SEMA3A: variants seen among roughly 807,000 people sequenced by gnomAD.
SEMA3A encodes semaphorin-3A.
A neutral mutation model predicts 97.9 loss-of-function variants in SEMA3A; 29 were observed. The observed-to-expected ratio is 0.30, with a 90% CI of 0.22 to 0.40. SEMA3A has a LOEUF of 0.40. Among genes scored for constraint, SEMA3A ranks in the 10% least tolerant of loss-of-function variants. SEMA3A has a pLI of 1.00. For synonymous variants in SEMA3A, 321 were observed against 323.7 expected (o/e 0.99, Z 0.09); for missense variants, 763 against 951.3 (o/e 0.80, Z 2.60).
intron 3 of SEMA3A, among the ~76,000 whole-genome samples, chr7:84,256,799 T>C (rs1458638295): frequency 1.3e-5 from 2 of 152,056 alleles, no homozygotes; most frequent in Admixed American, 1.3e-4. Context: ...CAAAGTATTC[T>C]AAACCCTATA....
chr7:84,274,381 T>A (rs1800238967), intron 3 of SEMA3A, among the ~76,000 whole-genome samples: 1 of 151,930 alleles, frequency 6.6e-6, no homozygotes, highest in Non-Finnish European at 1.5e-5. Context: ...CTTCCCACAA[T>A]TAAGGGAGTA....
At chr7:84,451,644 G>A (rs931793873) in intron 1 of SEMA3A, among the ~76,000 whole-genome samples, 2 of 152,126 alleles carry the variant, frequency 1.3e-5, no homozygotes, top group African/African-American at 4.8e-5. Flanking sequence ...TTGAAATCCA[G>A]AACTACTTTA....
At chr7:84,319,133 A>G (rs902567584) in intron 2 of SEMA3A, among the ~76,000 whole-genome samples, 1 of 152,188 alleles carries the variant, frequency 6.6e-6, no homozygotes, top group Non-Finnish European at 1.5e-5. Flanking sequence ...CAGGTAAGAA[A>G]ATGGAGGGAG....
At chr7:83,988,328 G>A (rs1051409075) in intron 12 of SEMA3A, among the ~76,000 whole-genome samples, 2 of 151,726 alleles carry the variant, frequency 1.3e-5, no homozygotes, top group Non-Finnish European at 2.9e-5. Context: ...TCGGGTTCAT[G>A]CCATTCTCCT....
intron 4 of SEMA3A, among the ~76,000 whole-genome samples, chr7:84,075,555 T>G (rs11981048): frequency 0.13 from 18,912 of 150,766 alleles, 1,244 homozygotes; most frequent in South Asian, 0.14. Flanking sequence ...GCCTCCTAGA[T>G]TCAAGTGATT....
chr7:84,375,772 T>C (rs1293846383), intron 1 of SEMA3A, among the ~76,000 whole-genome samples: 3 of 152,192 alleles, frequency 2.0e-5, no homozygotes, highest in South Asian at 2.1e-4. Flanking sequence ...TGTTAACTAC[T>C]GAACACTAGA....
intron 4 of SEMA3A, among the ~76,000 whole-genome samples, chr7:84,106,783 A>G (rs1428391998): frequency 6.6e-6 from 1 of 152,190 alleles, no homozygotes; most frequent in Non-Finnish European, 1.5e-5. Flanking sequence ...TGGAGTTTCA[A>G]CATTCTTGAA....
chr7:84,483,101 C>G (rs922259742), intron 1 of SEMA3A, among the ~76,000 whole-genome samples: 1 of 152,068 alleles, frequency 6.6e-6, no homozygotes, highest in Non-Finnish European at 1.5e-5. Context: ...TAAACTAAAG[C>G]ACAGGATTGC....
intron 4 of SEMA3A, among the ~76,000 whole-genome samples, chr7:84,107,657 C>G (rs3801636): frequency 0.42 from 64,134 of 151,872 alleles, 14,764 homozygotes; most frequent in Admixed American, 0.52. Flanking sequence ...TGGCCTGGCT[C>G]CAGAACCTGT....
At chr7:84,003,021 C>A (rs1378997110) in intron 11 of SEMA3A, among the ~76,000 whole-genome samples, 1 of 152,086 alleles carries the variant, frequency 6.6e-6, no homozygotes, top group African/African-American at 2.4e-5. Context: ...TAAACTTGAT[C>A]AAATCTAGTT....
At chr7:84,308,149 C>A (rs1200056170) in intron 2 of SEMA3A, among the ~76,000 whole-genome samples, 1 of 151,810 alleles carries the variant, frequency 6.6e-6, no homozygotes, top group Non-Finnish European at 1.5e-5. Context: ...TTTGTTTTTT[C>A]TTACTGTACT....
chr7:84,338,680 G>A, intron 2 of SEMA3A, among the ~76,000 whole-genome samples: 1 of 152,090 alleles, frequency 6.6e-6, no homozygotes, highest in Admixed American at 6.6e-5. Context: ...ATTTAGAAAA[G>A]CCGCAACCAT....
chr7:84,095,371 A>ATATG (rs1351878151), intron 4 of SEMA3A, among the ~76,000 whole-genome samples: 3 of 52,246 alleles, frequency 5.7e-5, no homozygotes, highest in Non-Finnish European at 1.9e-4. Context: ...ATATATATAT[A>ATATG]TATATATATA....
intron 1 of SEMA3A, among the ~76,000 whole-genome samples, chr7:84,471,785 G>A (rs1806158796): frequency 6.6e-6 from 1 of 152,002 alleles, no homozygotes. Context: ...ATTTTTCTTG[G>A]TTTCTAGGGA....
At chr7:84,429,514 TG>T (rs1233595158) in intron 1 of SEMA3A, among the ~76,000 whole-genome samples, 2 of 44,990 alleles carry the variant, frequency 4.4e-5, no homozygotes, top group African/African-American at 3.4e-4. Flanking sequence ...ATATAGAGTT[TG>T]TTATATATAT....
At chr7:84,009,162 A>C (rs1008648756) in intron 9 of SEMA3A, among the ~76,000 whole-genome samples, 11 of 152,192 alleles carry the variant, frequency 7.2e-5, no homozygotes, top group Non-Finnish European at 1.6e-4. Context: ...TTGAGCCAGA[A>C]ACTCTGGAGG....
In SEMA3A at chr7:83,957,954, TAAAAC is replaced by T. The variant is rs938374502; in HGVS notation, c.*3412_*3416del. ...GAAATTGTGTTTTAAAATGAGCTAA[TAAAAC>T]AAAGATTTTAACATATTATACTAGT... On this transcript the variant is annotated 3_prime_UTR_variant, in exon 17 of 17. Coordinates refer to ENST00000265362, the MANE Select transcript of SEMA3A (RefSeq NM_006080.3). 6.6e-6 allele frequency: 1 copy of T among 151,990 alleles called. No homozygotes were observed. The highest frequency in any genetic ancestry group is 2.4e-5 in the African/African-American group (1 of 41,416). The allele number at this position is 151,990 out of a possible 1,614,324, so 9.4% of individuals were successfully genotyped here. A position where few individuals can be genotyped will look rare whatever the true frequency, so the allele number is the denominator to read the frequency against.
chr7:83,969,669 C>T (rs1253488206), intron 15 of SEMA3A, among the ~76,000 whole-genome samples: 1 of 152,130 alleles, frequency 6.6e-6, no homozygotes, highest in Non-Finnish European at 1.5e-5. Flanking sequence ...TGATGGAATA[C>T]TTTATTGAAC....
At chr7:84,001,609 C>T (rs1195742540) in intron 12 of SEMA3A, among the ~76,000 whole-genome samples, 1 of 151,898 alleles carries the variant, frequency 6.6e-6, no homozygotes, top group East Asian at 1.9e-4. Context: ...AGTTACATAT[C>T]ATTTCAGTTA....
Sources: gnomAD v4.1 joint callset for allele counts (sites outside exome capture counted in the v4.1 genomes callset) on GRCh38, gnomAD v4.1.1 for gene constraint, MANE v1.5 for transcripts, NCBI Gene and HGNC (gene_info 2026-07-23, HGNC 2026-07-21) for gene names.